ADTRP: variants seen among roughly 807,000 people sequenced by gnomAD.
ADTRP encodes the protein androgen-dependent TFPI-regulating protein.
A neutral mutation model predicts 27.0 loss-of-function variants in ADTRP; 20 were observed. The ratio of observed to expected loss-of-function variants is 0.74; its 90% confidence interval spans 0.52 to 1.08. ADTRP has a LOEUF of 1.08. ADTRP is among the 50% of genes least tolerant of loss of function. The pLI, the probability that ADTRP is intolerant of heterozygous loss-of-function variation, is 0.00. For missense variants in ADTRP, 251 were observed against 275.0 expected (o/e 0.91, Z 0.62); for synonymous variants, 101 against 105.2 (o/e 0.96, Z 0.25).
chr6:11,770,421 T>C (rs1359309337), intron 1 of ADTRP, among the ~76,000 whole-genome samples: 7 of 151,932 alleles, frequency 4.6e-5, no homozygotes, highest in Admixed American at 2.0e-4. Flanking sequence ...TGAGCCCTCC[T>C]GTGGAACAAG....
intron 5 of ADTRP, 152 bp from the exon 6 acceptor site, chr6:11,714,664 A>T (rs1298264605): frequency 1.2e-6 from 1 of 830,492 alleles, no homozygotes; most frequent in African/African-American, 1.7e-5. Flanking sequence ...GAGTTATGAA[A>T]AAACAGCTGC....
intron 5 of ADTRP, among the ~76,000 whole-genome samples, chr6:11,719,887 A>T (rs548442613): frequency 1.3e-5 from 1 of 75,528 alleles, no homozygotes; most frequent in South Asian, 6.8e-4. Flanking sequence ...GACCAGCAGC[A>T]GTGACTAACT....
chr6:11,765,920 C>CT lies in ADTRP; in HGVS notation c.390+353dup, dbSNP rs74463617. ...GATATTCTTTGGATGTTGGGGTGGG[C>CT]TTTTTTTTTAAAGCTTACTTCATTC... On this transcript the variant is annotated intron_variant, in intron 3 of 5. Transcript: ENST00000414691. 1.0e-3 allele frequency among the ~76,000 whole-genome samples: 155 copies of CT among 151,516 alleles called. 1 individual carries two copies. The highest frequency in any genetic ancestry group is 3.3e-3 in the African/African-American group (136 of 41,282).
chr6:11,754,358 G>A (rs1763148170), intron 3 of ADTRP, among the ~76,000 whole-genome samples: 2 of 152,218 alleles, frequency 1.3e-5, no homozygotes, highest in Non-Finnish European at 2.9e-5. Flanking sequence ...TAGGTTGAAA[G>A]AGTTGAAGAG....
At chr6:11,723,654 A>C (rs1762090554) in intron 4 of ADTRP, among the ~76,000 whole-genome samples, 154 bp from the exon 5 acceptor site, 1 of 152,190 alleles carries the variant, frequency 6.6e-6, no homozygotes, top group Admixed American at 6.5e-5. Flanking sequence ...AACCTAAAGA[A>C]GTGAGGCTTT....
intron 4 of ADTRP, among the ~76,000 whole-genome samples, chr6:11,724,555 C>T (rs962628736): frequency 6.6e-6 from 1 of 152,168 alleles, no homozygotes; most frequent in African/African-American, 2.4e-5. Flanking sequence ...AAACCAACTG[C>T]ACTGGAAGGT....
chr6:11,735,683 G>A lies in ADTRP; in HGVS notation c.391C>T (p.His131Tyr). 1 of 1,608,764 alleles carries A rather than the reference G, an allele frequency of 6.2e-7. No individual in the cohort carries two copies. Reference sequence around the variant, plus strand: ...AATGTGATGGGGAATATGAAAGTGTGCTGCAGGAGAGAAAATGGCAAATCA... The same window carrying A: ...AATGTGATGGGGAATATGAAAGTGTACTGCAGGAGAGAAAATGGCAAATCA... ...VIPVWLNHAM[H>Y]TFIFPITLAE... Residue 131 changes from histidine (H) to tyrosine (Y), a missense_variant and splice_region_variant, in exon 4 of 6, where the codon CAC becomes TAC. By Grantham distance (83) the His-to-Tyr change is moderately conservative. Coordinates refer to ENST00000414691, the MANE Select transcript of ADTRP (RefSeq NM_032744.4).
At position 11,714,233 on chromosome 6, in the gene ADTRP, G is replaced by T. The variant is rs1341820225; in HGVS notation, c.*245C>A. On this transcript the variant is annotated 3_prime_UTR_variant, in exon 6 of 6. Coordinates refer to ENST00000414691, the MANE Select transcript of ADTRP (RefSeq NM_032744.4). ...TAACCAGAGACCATCCTCCACGAAG[G>T]TCAAAGATAATTAATTCTGAGATAG... 4 of 495,002 alleles carry T rather than the reference G, an allele frequency of 8.1e-6. No individual in the cohort carries two copies. The highest frequency in any genetic ancestry group is 1.4e-5 in the Non-Finnish European group (4 of 278,662). 30.7% of individuals were successfully genotyped at this position (495,002 alleles called of 1,614,324 possible).
intron 5 of ADTRP, among the ~76,000 whole-genome samples, chr6:11,716,704 T>A (rs1033792208): frequency 1.4e-5 from 1 of 70,396 alleles, no homozygotes; most frequent in East Asian, 7.4e-4. Flanking sequence ...CCATGCTTTT[T>A]TTCTTTTTCT....
chr6:11,756,564 A>G (rs1168017731), intron 3 of ADTRP, among the ~76,000 whole-genome samples: 2 of 152,210 alleles, frequency 1.3e-5, no homozygotes, highest in East Asian at 3.8e-4. Context: ...TAAATCTACA[A>G]TTATCTCAAA....
At chr6:11,768,759 G>T (rs1362010074) in intron 1 of ADTRP, among the ~76,000 whole-genome samples, 1 of 152,148 alleles carries the variant, frequency 6.6e-6, no homozygotes, top group Admixed American at 6.5e-5. Flanking sequence ...GATACAGGGT[G>T]GACAGAGTCA....
intron 3 of ADTRP, among the ~76,000 whole-genome samples, chr6:11,758,943 C>T (rs978701425): frequency 2.0e-5 from 3 of 152,126 alleles, no homozygotes; most frequent in African/African-American, 7.2e-5. Flanking sequence ...CCTTTACTCT[C>T]TTGCTTCTCT....
intron 1 of ADTRP, among the ~76,000 whole-genome samples, chr6:11,777,729 C>T (rs1335221705): frequency 1.3e-5 from 2 of 152,114 alleles, no homozygotes; most frequent in South Asian, 2.1e-4. Flanking sequence ...TCCATTTCCA[C>T]GTCCTTAGCA....
chr6:11,717,806 G>A (rs540451847), intron 5 of ADTRP, among the ~76,000 whole-genome samples: 76 of 152,296 alleles, frequency 5.0e-4, no homozygotes, highest in Non-Finnish European at 9.1e-4. Flanking sequence ...AATCCACAGC[G>A]GGCTCTTTTT....
At chr6:11,756,724 T>A (rs1313952014) in intron 3 of ADTRP, among the ~76,000 whole-genome samples, 4 of 152,190 alleles carry the variant, frequency 2.6e-5, no homozygotes, top group Non-Finnish European at 5.9e-5. Context: ...GAGTAAGGGA[T>A]GTATTAAGCA....
chr6:11,723,608 T>C, intron 4 of ADTRP, 108 bp from the exon 5 acceptor site: 2 of 1,315,438 alleles, frequency 1.5e-6, no homozygotes, highest in Non-Finnish European at 2.1e-6. Flanking sequence ...AGAGAACCCA[T>C]CAGGGACGTT....
At chr6:11,757,095 C>G (rs1420380750) in intron 3 of ADTRP, among the ~76,000 whole-genome samples, 1 of 152,198 alleles carries the variant, frequency 6.6e-6, no homozygotes, top group Non-Finnish European at 1.5e-5. Context: ...TATATTTTTA[C>G]TCTCTTCTTC....
chr6:11,751,422 C>A (rs1458370231), intron 3 of ADTRP, among the ~76,000 whole-genome samples: 2 of 152,122 alleles, frequency 1.3e-5, no homozygotes, highest in East Asian at 3.8e-4. Context: ...GTCATACCCT[C>A]CATGTGTATT....
chr6:11,760,662 C>T (rs1192813141), intron 3 of ADTRP, among the ~76,000 whole-genome samples: 1 of 152,088 alleles, frequency 6.6e-6, no homozygotes, highest in African/African-American at 2.4e-5. Flanking sequence ...AGAAAGCTAC[C>T]CTACATGTGT....
Sources: gnomAD v4.1 joint callset for allele counts (sites outside exome capture counted in the v4.1 genomes callset) on GRCh38, gnomAD v4.1.1 for gene constraint, MANE v1.5 for transcripts, NCBI Gene and HGNC (gene_info 2026-07-23, HGNC 2026-07-21) for gene names.